SLC68A1: variants seen among roughly 807,000 people sequenced by gnomAD.
SLC68A1 encodes solute carrier family 68 member 1.
the SLC68A1 span, chr10:102,477,011 T>C: frequency 4.1e-6 from 4 of 985,458 alleles, no homozygotes; most frequent in African/African-American, 5.2e-5. Flanking sequence ...TATTTCCTTA[T>C]AGACTGATTA....
chr10:102,476,670 G>A, the SLC68A1 span: 1 of 986,252 alleles, frequency 1.0e-6, no homozygotes, highest in Non-Finnish European at 1.2e-6. Context: ...TATGTGCTCA[G>A]GGACGTGCTT....
At chr10:102,474,160 G>A in the SLC68A1 span, 13 of 738,082 alleles carry the variant, frequency 1.8e-5, no homozygotes, top group East Asian at 2.8e-5. Flanking sequence ...CTGGGTCACC[G>A]ATTCCGCCAT....
chr10:102,474,216 C>T, the SLC68A1 span, among the ~76,000 whole-genome samples: 8 of 152,066 alleles, frequency 5.3e-5, no homozygotes, highest in Non-Finnish European at 1.0e-4. Flanking sequence ...CAAATATGTA[C>T]GGAATCCCTT....
chr10:102,476,053 T>G, the SLC68A1 span: 71 of 1,253,010 alleles, frequency 5.7e-5, no homozygotes, highest in South Asian at 1.6e-4. Flanking sequence ...TTTTTTTTGG[T>G]TTTTTTTTTA....
chr10:102,469,064 G>C, the SLC68A1 span: 1 of 1,613,964 alleles, frequency 6.2e-7, no homozygotes, highest in Non-Finnish European at 8.5e-7. Context: ...TGGTTGCTGG[G>C]TCTGCCCACA....
At chr10:102,471,471 G>A in the SLC68A1 span, 19 of 1,574,124 alleles carry the variant, frequency 1.2e-5, no homozygotes, top group Non-Finnish European at 1.6e-5. Context: ...TCAAGAGCTG[G>A]GAACTTGGCC....
At chr10:102,474,710 C>T in the SLC68A1 span, among the ~76,000 whole-genome samples, 2 of 152,072 alleles carry the variant, frequency 1.3e-5, no homozygotes, top group Non-Finnish European at 2.9e-5. Flanking sequence ...TGCAGTGGCA[C>T]GATCTTGGCT....
chr10:102,470,008 T>C, the SLC68A1 span: 1 of 1,614,094 alleles, frequency 6.2e-7, no homozygotes, highest in Admixed American at 1.7e-5. Flanking sequence ...GTTTCTCCTC[T>C]GGAACAGCCT....
chr10:102,470,797 G>A, the SLC68A1 span: 1 of 1,613,896 alleles, frequency 6.2e-7, no homozygotes. Flanking sequence ...TGCAGTTCTT[G>A]CTGTGCCTGT....
chr10:102,476,158 C>G, the SLC68A1 span: 2 of 1,189,078 alleles, frequency 1.7e-6, no homozygotes, highest in Admixed American at 3.7e-5. Flanking sequence ...GAAACCACCA[C>G]CCAGGTTCAA....
At chr10:102,469,535 G>A in the SLC68A1 span, among the ~76,000 whole-genome samples, 7 of 146,206 alleles carry the variant, frequency 4.8e-5, no homozygotes, top group African/African-American at 1.8e-4. Flanking sequence ...GGTTTGACTG[G>A]CAGAGTAGGT....
At chr10:102,471,419 C>T in the SLC68A1 span, 1 of 1,602,504 alleles carries the variant, frequency 6.2e-7, no homozygotes, top group Non-Finnish European at 8.5e-7. Flanking sequence ...GCTCCCGGCC[C>T]CTCTACAGCT....
At chr10:102,469,091 C>G in the SLC68A1 span, 68 of 1,614,044 alleles carry the variant, frequency 4.2e-5, no homozygotes, top group Non-Finnish European at 4.7e-5. Context: ...GTCTATGGCT[C>G]CCTGGCTCTC....
the SLC68A1 span, among the ~76,000 whole-genome samples, chr10:102,469,552 GTT>G: frequency 6.8e-6 from 1 of 147,786 alleles, no homozygotes; most frequent in African/African-American, 2.5e-5. Context: ...AGGTTTTTTT[GTT>G]TTTTTTTTTG....
the SLC68A1 span, chr10:102,471,286 G>C: frequency 6.2e-7 from 1 of 1,613,930 alleles, no homozygotes; most frequent in Non-Finnish European, 8.5e-7. Flanking sequence ...GTGTGGAGAG[G>C]AGCTGCTTGT....
the SLC68A1 span, chr10:102,472,709 T>C: frequency 1.4e-6 from 1 of 714,138 alleles, no homozygotes; most frequent in Admixed American, 2.1e-5. Flanking sequence ...GTTCTGTGTT[T>C]AGGGACATGG....
At chr10:102,472,877 C>T in the SLC68A1 span, 1 of 1,614,184 alleles carries the variant, frequency 6.2e-7, no homozygotes, top group Non-Finnish European at 8.5e-7. Context: ...ACTTCAACAG[C>T]AACTTCTTCC....
chr10:102,466,911 C>T, the SLC68A1 span, among the ~76,000 whole-genome samples: 3 of 152,244 alleles, frequency 2.0e-5, no homozygotes, highest in African/African-American at 4.8e-5. Context: ...CTTTAGAGAG[C>T]GTCTCATTTA....
chr10:102,474,771 C>T, the SLC68A1 span, among the ~76,000 whole-genome samples: 22 of 152,088 alleles, frequency 1.4e-4, no homozygotes, highest in Non-Finnish European at 2.9e-4. Context: ...CCTAGCCTCC[C>T]AAGTAGTTGG....
Sources: allele counts gnomAD v4.1 joint callset (sites outside exome capture counted in the v4.1 genomes callset), GRCh38; gene constraint gnomAD v4.1.1; transcripts MANE v1.5; gene names NCBI Gene and HGNC (gene_info 2026-07-23, HGNC 2026-07-21).